Variants in C7orf57 observed in about 807,000 individuals in gnomAD.
The protein encoded by C7orf57 is chromosome 7 open reading frame 57.
Under a neutral mutation model 39.0 loss-of-function variants are expected in C7orf57, and 33 were observed. The ratio of observed to expected loss-of-function variants is 0.85; its 90% CI spans 0.64 to 1.13. The LOEUF is 1.13. Ranked by LOEUF, C7orf57 falls within the 50% of genes most tolerant of loss-of-function variation. C7orf57 has a pLI of 0.00. For missense variants in C7orf57, 346 were observed against 362.3 expected (o/e 0.95, Z 0.37); for synonymous variants, 124 against 137.1 (o/e 0.90, Z 0.67).
chr7:48,041,245 T>C (rs748686416), intron 2 of C7orf57, 89 bp from the exon 3 acceptor site: 11 of 1,204,636 alleles, frequency 9.1e-6, no homozygotes, highest in Non-Finnish European at 1.1e-5. Context: ...CACCTGATGG[T>C]GTTGTCTGCA....
chr7:48,041,743 T>C lies in C7orf57; in HGVS notation c.241+224T>C. The C allele has an allele frequency of 9.1e-6, 3 of 330,014 alleles. No individual in the cohort carries two copies. In the East Asian group the frequency reaches 1.5e-4, roughly 16 times the overall value. 20.4% of individuals were successfully genotyped at this position (330,014 alleles called of 1,614,324 possible). On this transcript the variant is annotated intron_variant, in intron 3 of 8. Coordinates refer to ENST00000348904, the MANE Select transcript of C7orf57 (RefSeq NM_001100159.3). ...TAGGCCAAATTCACAGAATTTCCTG[T>C]GTAGGATATTTCTTCTGAGTAATGC...
chr7:48,053,510 G>A (rs988197531), intron 7 of C7orf57, among the ~76,000 whole-genome samples: 3 of 152,020 alleles, frequency 2.0e-5, no homozygotes, highest in African/African-American at 7.2e-5. Context: ...GGAGTGAAGT[G>A]GCACAATCAC....
rs191729002 is a variant in C7orf57 at position 48,060,261 on chromosome 7, G to C, written c.877G>C (p.Glu293Gln). ...ATCTGTATCTGCATCAACACCAGCA[G>C]AGCTCAAATAAATCCTGATGCAATA... is the stretch of plus-strand genomic sequence containing the variant. ...EESVSASTPA[E>Q]LK Residue 293 changes from glutamate to glutamine, a missense_variant, in exon 9 of 9, where the codon GAG (glutamate) becomes CAG (glutamine). Physicochemically the swap from Glu to Gln is conservative, Grantham distance 29 (BLOSUM62 2). Transcript: ENST00000348904. 8.1e-5 allele frequency: 125 copies of C among 1,536,680 alleles called. No homozygotes were observed. The East Asian group carries it at 3.0e-3, about 37-fold the overall frequency.
chr7:48,054,964 C>A (rs555958178), intron 8 of C7orf57, among the ~76,000 whole-genome samples: 57 of 152,294 alleles, frequency 3.7e-4, no homozygotes, highest in African/African-American at 1.1e-3. Flanking sequence ...GCAAGCTCCG[C>A]CTCCCGGGTT....
intron 6 of C7orf57, among the ~76,000 whole-genome samples, chr7:48,051,728 CTTT>C (rs1301840394): frequency 1.4e-5 from 1 of 71,936 alleles, no homozygotes; most frequent in African/African-American, 4.1e-5. Context: ...CTTTCTTTCT[CTTT>C]TTCTTTTCTT....
intron 4 of C7orf57, among the ~76,000 whole-genome samples, chr7:48,045,916 T>A (rs1790699832): frequency 6.6e-6 from 1 of 152,184 alleles, no homozygotes; most frequent in African/African-American, 2.4e-5. Flanking sequence ...TATTATTATT[T>A]TAAATGAACA....
chr7:48,057,381 G>C (rs180711322), intron 8 of C7orf57, among the ~76,000 whole-genome samples: 18 of 152,118 alleles, frequency 1.2e-4, no homozygotes, highest in Admixed American at 8.5e-4. Flanking sequence ...TTTTAATGCT[G>C]TTGAGAGTGG....
intron 6 of C7orf57, 93 bp from the exon 7 acceptor site, chr7:48,052,603 CAGTG>C: frequency 1.0e-6 from 1 of 966,140 alleles, no homozygotes; most frequent in Non-Finnish European, 1.6e-6. Context: ...TTTAAAGGGA[CAGTG>C]ACACCTCCTA....
chr7:48,037,459 G>C (rs570616852), intron 2 of C7orf57, among the ~76,000 whole-genome samples: 1 of 152,314 alleles, frequency 6.6e-6, no homozygotes, highest in South Asian at 2.1e-4. Context: ...TGAGGCCACA[G>C]CAGCCTAAAG....
At chr7:48,059,579 A>G (rs891431548) in intron 8 of C7orf57, among the ~76,000 whole-genome samples, 4 of 152,034 alleles carry the variant, frequency 2.6e-5, no homozygotes, top group African/African-American at 9.7e-5. Flanking sequence ...TTGAACTCCT[A>G]AGCTGAAGCA....
chr7:48,046,444 G>A lies in C7orf57; in HGVS notation c.351-16G>A. 6.2e-7 allele frequency: 1 copy of A among 1,609,136 alleles called. No homozygotes were observed. ...GGCTCTGAGCACCAGGCTGTAACTG[G>A]TGTCTGTCCTTGCAGAGTGCGGGCT... On this transcript the variant is annotated splice_polypyrimidine_tract_variant and intron_variant, in intron 4 of 8. Coordinates refer to ENST00000348904, the MANE Select transcript of C7orf57 (RefSeq NM_001100159.3).
At chr7:48,049,526 C>T (rs1366177351) in intron 5 of C7orf57, among the ~76,000 whole-genome samples, 1 of 152,020 alleles carries the variant, frequency 6.6e-6, no homozygotes, top group Non-Finnish European at 1.5e-5. Context: ...TGGGTTGTTT[C>T]CAGTTCTGGG....
intron 6 of C7orf57, among the ~76,000 whole-genome samples, chr7:48,051,121 A>C (rs1396105762): frequency 2.0e-5 from 3 of 149,332 alleles, no homozygotes; most frequent in Admixed American, 6.7e-5. Flanking sequence ...AAACCTGTGT[A>C]AGAGAGTAAA....
At chr7:48,044,577 C>T (rs1456013531) in intron 4 of C7orf57, among the ~76,000 whole-genome samples, 2 of 152,206 alleles carry the variant, frequency 1.3e-5, no homozygotes, top group Non-Finnish European at 2.9e-5. Context: ...CCTTCCCCAC[C>T]TAGGCTTAGG....
At chr7:48,049,738 A>G (rs1646943977) in intron 5 of C7orf57, 142 bp from the exon 6 acceptor site, 1 of 614,998 alleles carries the variant, frequency 1.6e-6, no homozygotes, top group South Asian at 1.9e-5. Flanking sequence ...TTGCTGAATT[A>G]TATTTTATTG....
At chr7:48,051,795 T>TTTCTTTCC (rs1562629842) in intron 6 of C7orf57, among the ~76,000 whole-genome samples, 13 of 77,606 alleles carry the variant, frequency 1.7e-4, no homozygotes, top group African/African-American at 5.1e-4. Flanking sequence ...TCTTTCTTTC[T>TTTCTTTCC]TTCCTTCCTT....
intron 7 of C7orf57, 64 bp downstream of exon 7, chr7:48,052,987 GTTC>G: frequency 7.7e-7 from 1 of 1,304,950 alleles, no homozygotes; most frequent in Non-Finnish European, 1.1e-6. Flanking sequence ...AGCAGCTGAC[GTTC>G]TTATCACATG....
chr7:48,046,137 C>T (rs972438419), intron 4 of C7orf57, among the ~76,000 whole-genome samples: 1 of 151,752 alleles, frequency 6.6e-6, no homozygotes, highest in Non-Finnish European at 1.5e-5. Flanking sequence ...TGTTGTTTAG[C>T]AGGCACAGGA....
intron 8 of C7orf57, among the ~76,000 whole-genome samples, chr7:48,057,051 G>A (rs1791135750): frequency 6.8e-6 from 1 of 147,476 alleles, no homozygotes; most frequent in African/African-American, 2.5e-5. Context: ...GAAATCAGAT[G>A]ATGCCATATA....
Sources: allele counts gnomAD v4.1 joint callset (sites outside exome capture counted in the v4.1 genomes callset), GRCh38; gene constraint gnomAD v4.1.1; transcripts MANE v1.5; gene names NCBI Gene and HGNC (gene_info 2026-07-23, HGNC 2026-07-21).